EPHA6: variants seen among roughly 807,000 people sequenced by gnomAD.
EPHA6 encodes ephrin type-A receptor 6.
Under a neutral mutation model 112.0 loss-of-function variants are expected in EPHA6, and 50 were observed. That is an observed-to-expected ratio of 0.45 (90% CI 0.36 to 0.56). The LOEUF is 0.56. EPHA6 is among the 20% of genes least tolerant of loss of function. EPHA6 has a pLI of 0.00. For missense variants in EPHA6, 1,280 were observed against 1,417.4 expected (o/e 0.90, Z 1.56); for synonymous variants, 529 against 490.7 (o/e 1.08, Z -1.03).
intron 3 of EPHA6, among the ~76,000 whole-genome samples, chr3:97,124,464 TTAAA>T (rs1471521342): frequency 9.0e-6 from 1 of 110,788 alleles, no homozygotes; most frequent in African/African-American, 4.5e-5. Context: ...GGCATTCTGT[TTAAA>T]AAAAGAAAGA....
At chr3:97,584,142 A>G (rs1450316836) in intron 11 of EPHA6, among the ~76,000 whole-genome samples, 1 of 152,202 alleles carries the variant, frequency 6.6e-6, no homozygotes, top group East Asian at 1.9e-4. Context: ...AGAAAACTCA[A>G]TCTGTTATTT....
At chr3:97,282,098 C>G (rs777150942) in intron 5 of EPHA6, among the ~76,000 whole-genome samples, 3 of 152,090 alleles carry the variant, frequency 2.0e-5, no homozygotes, top group Non-Finnish European at 2.9e-5. Context: ...ACACATTGCC[C>G]TTTAAAATTA....
intron 13 of EPHA6, among the ~76,000 whole-genome samples, chr3:97,624,204 G>A (rs934882813): frequency 2.0e-5 from 3 of 151,592 alleles, no homozygotes; most frequent in African/African-American, 7.3e-5. Flanking sequence ...TTATGTCAAA[G>A]TAATTTTCTT....
intron 6 of EPHA6, 99 bp from the exon 7 acceptor site, chr3:97,448,469 T>C: frequency 1.6e-6 from 2 of 1,251,540 alleles, no homozygotes; most frequent in Non-Finnish European, 2.3e-6. Flanking sequence ...ATACTTTTGG[T>C]ATTCAGAGCA....
chr3:97,572,555 C>T (rs1249982489), intron 11 of EPHA6: 3 of 152,024 alleles, frequency 2.0e-5, no homozygotes, highest in Admixed American at 1.3e-4. Context: ...GTAATATGAG[C>T]CCTTGGTTTG....
At chr3:97,589,266 G>T (rs1425984820) in intron 11 of EPHA6, among the ~76,000 whole-genome samples, 14 of 151,170 alleles carry the variant, frequency 9.3e-5, no homozygotes, top group Admixed American at 9.2e-4. Flanking sequence ...CAAAAGATTG[G>T]ACACCCCTTG....
chr3:97,578,286 C>T (rs1456745697), intron 11 of EPHA6, among the ~76,000 whole-genome samples: 2 of 152,034 alleles, frequency 1.3e-5, no homozygotes, highest in Non-Finnish European at 2.9e-5. Context: ...CAAGATCCTT[C>T]GACATACTGA....
intron 2 of EPHA6, among the ~76,000 whole-genome samples, chr3:96,927,584 A>G (rs2040105036): frequency 1.3e-5 from 2 of 152,202 alleles, no homozygotes. Context: ...GCTAAAGCAT[A>G]GTAAGAGTGA....
intron 5 of EPHA6, among the ~76,000 whole-genome samples, chr3:97,362,872 G>T (rs1319679996): frequency 4.0e-5 from 6 of 151,630 alleles, no homozygotes. Context: ...AACTAGTTAG[G>T]AAGTTTATTA....
intron 2 of EPHA6, among the ~76,000 whole-genome samples, chr3:96,928,635 C>T (rs1415569015): frequency 6.6e-6 from 1 of 152,040 alleles, no homozygotes; most frequent in African/African-American, 2.4e-5. Context: ...CTAACAGGTC[C>T]ACTTGACTCA....
intron 11 of EPHA6, among the ~76,000 whole-genome samples, chr3:97,561,151 G>A (rs1020532401): frequency 1.3e-5 from 2 of 151,854 alleles, no homozygotes; most frequent in African/African-American, 2.4e-5. Context: ...TTGAAGTTAG[G>A]CCAATTAATA....
intron 11 of EPHA6, among the ~76,000 whole-genome samples, chr3:97,579,442 A>G (rs1295825426): frequency 2.0e-5 from 3 of 152,314 alleles, no homozygotes; most frequent in East Asian, 3.9e-4. Context: ...GCTGAGGTGA[A>G]TTAAGTCTTC....
chr3:97,359,731 A>G (rs987506523), intron 5 of EPHA6, among the ~76,000 whole-genome samples: 8 of 151,860 alleles, frequency 5.3e-5, no homozygotes, highest in South Asian at 4.1e-4. Flanking sequence ...TCTTCCTTTT[A>G]GGGTTTCCTG....
rs560085421 is a variant in EPHA6, at chr3:97,756,907, C to A, written c.*8206C>A. On this transcript the variant is annotated 3_prime_UTR_variant, in exon 18 of 18. Coordinates refer to ENST00000389672, the MANE Select transcript of EPHA6 (RefSeq NM_001080448.3). Reference sequence around the variant, plus strand: ...TTGAATATATACAGGATATAAATATCTTTGGGATATTTTACATAATCATAC... The same window carrying A: ...TTGAATATATACAGGATATAAATATATTTGGGATATTTTACATAATCATAC... Among the ~76,000 whole-genome samples the A allele has an allele frequency of 6.6e-6, 1 of 151,734 alleles. No homozygotes were observed. Among genetic ancestry groups the A allele is most frequent in the Non-Finnish European group, 1.5e-5 (1 of 67,730 alleles).
chr3:97,679,284 G>C (rs958547353), intron 14 of EPHA6, among the ~76,000 whole-genome samples: 10 of 152,088 alleles, frequency 6.6e-5, no homozygotes, highest in African/African-American at 2.2e-4. Context: ...CCTCATTTCA[G>C]TGGGAACTTG....
chr3:97,663,205 A>G (rs995352668), intron 14 of EPHA6, among the ~76,000 whole-genome samples: 1 of 152,194 alleles, frequency 6.6e-6, no homozygotes, highest in African/African-American at 2.4e-5. Context: ...GCTATATTAG[A>G]AATATATATT....
intron 5 of EPHA6, among the ~76,000 whole-genome samples, chr3:97,363,787 G>T (rs2084545378): frequency 6.6e-6 from 1 of 151,966 alleles, no homozygotes; most frequent in African/African-American, 2.4e-5. Flanking sequence ...GATAAACAAA[G>T]GTGGTATACA....
intron 11 of EPHA6, among the ~76,000 whole-genome samples, chr3:97,558,498 T>C (rs761416317): frequency 6.6e-6 from 1 of 152,004 alleles, no homozygotes; most frequent in East Asian, 1.9e-4. Context: ...TCTCTCCCAA[T>C]GCTATGAGTG....
At chr3:97,117,770 CA>C (rs1371580947) in intron 3 of EPHA6, among the ~76,000 whole-genome samples, 1 of 151,736 alleles carries the variant, frequency 6.6e-6, no homozygotes, top group Non-Finnish European at 1.5e-5. Flanking sequence ...AGCAACTGTG[CA>C]TCTAAATCTC....
Sources: gnomAD v4.1 joint callset for allele counts (sites outside exome capture counted in the v4.1 genomes callset) on GRCh38, gnomAD v4.1.1 for gene constraint, MANE v1.5 for transcripts, NCBI Gene and HGNC (gene_info 2026-07-23, HGNC 2026-07-21) for gene names.